Variants in ASTN1 observed in about 807,000 individuals in gnomAD.
ASTN1 encodes astrotactin 1, also known as astrotactin-1.
Under a neutral mutation model 140.7 loss-of-function variants are expected in ASTN1, and 41 were observed. That is an observed-to-expected ratio of 0.29 (90% CI 0.23 to 0.38). ASTN1 has a LOEUF of 0.38. ASTN1 is among the 10% of genes least tolerant of loss of function. The pLI, the probability that ASTN1 is intolerant of heterozygous loss-of-function variation, is 1.00. For synonymous variants in ASTN1, 640 were observed against 652.2 expected, an observed-to-expected ratio of 0.98 and a Z score of 0.29; for missense variants, 1,479 against 1,678.8, an observed-to-expected ratio of 0.88 and a Z score of 2.08.
At chr1:177,001,190 C>T (rs1352017107) in intron 8 of ASTN1, among the ~76,000 whole-genome samples, 1 of 152,182 alleles carries the variant, frequency 6.6e-6, no homozygotes, top group Non-Finnish European at 1.5e-5. Flanking sequence ...GGAACATCCA[C>T]TATGTTCCAG....
At chr1:176,882,820 T>A (rs1296092966) in intron 20 of ASTN1, 39 bp downstream of exon 20, 3 of 1,612,120 alleles carry the variant, frequency 1.9e-6, no homozygotes, top group African/African-American at 2.7e-5. Flanking sequence ...CTTGGGACTG[T>A]CAGGGTAAGA....
intron 1 of ASTN1, among the ~76,000 whole-genome samples, chr1:177,067,232 C>G (rs1251642148): frequency 6.6e-6 from 1 of 151,964 alleles, no homozygotes; most frequent in East Asian, 1.9e-4. Flanking sequence ...AGCCTTATAA[C>G]CTCTATGAAA....
chr1:177,019,577 T>C (rs1288483117), intron 7 of ASTN1, among the ~76,000 whole-genome samples: 1 of 152,232 alleles, frequency 6.6e-6, no homozygotes, highest in African/African-American at 2.4e-5. Context: ...ATTTCTCAAG[T>C]GCATCCAAGT....
intron 1 of ASTN1, among the ~76,000 whole-genome samples, chr1:177,145,628 G>C (rs1411486729): frequency 6.6e-6 from 1 of 152,160 alleles, no homozygotes; most frequent in Non-Finnish European, 1.5e-5. Context: ...AACAGACCTG[G>C]GGGCAGAAAG....
chr1:176,924,862 G>C (rs902295940), intron 16 of ASTN1, among the ~76,000 whole-genome samples: 1 of 152,144 alleles, frequency 6.6e-6, no homozygotes, highest in Non-Finnish European at 1.5e-5. Flanking sequence ...ATCCAGGTTA[G>C]GATGCAAAAC....
At chr1:176,859,243 T>A (rs1462329400), downstream of ASTN1, among the ~76,000 whole-genome samples, 1 of 152,142 alleles carries the variant, frequency 6.6e-6, no homozygotes, top group Non-Finnish European at 1.5e-5. Context: ...CTGGAATTCC[T>A]ATCTGGGCTC....
At chr1:177,126,690 C>T (rs1681667552) in intron 1 of ASTN1, among the ~76,000 whole-genome samples, 1 of 152,194 alleles carries the variant, frequency 6.6e-6, no homozygotes, top group Admixed American at 6.5e-5. Flanking sequence ...TTGCTGCCAT[C>T]CTGAAGCAAA....
intron 1 of ASTN1, among the ~76,000 whole-genome samples, chr1:177,106,476 G>A (rs1680549470): frequency 6.6e-6 from 1 of 152,140 alleles, no homozygotes; most frequent in Non-Finnish European, 1.5e-5. Context: ...ATAAAGTTCA[G>A]GAATAAGTCA....
chr1:176,897,538 T>C (rs1471495492), intron 16 of ASTN1, among the ~76,000 whole-genome samples: 1 of 151,906 alleles, frequency 6.6e-6, no homozygotes, highest in Non-Finnish European at 1.5e-5. Flanking sequence ...TAGATGGTGA[T>C]ATAAGTCTAA....
At chr1:176,973,902 G>A (rs1673249230) in intron 8 of ASTN1, among the ~76,000 whole-genome samples, 1 of 152,160 alleles carries the variant, frequency 6.6e-6, no homozygotes, top group Non-Finnish European at 1.5e-5. Context: ...AGTTACCAGT[G>A]CAAACTCCCC....
At position 177,042,888 on chromosome 1, in the gene ASTN1, A is replaced by G. The variant is rs1024700350; in HGVS notation, c.472-10039T>C. ...TCCTTGCTTCTACAACTAACTCTCA[A>G]GGTTATGCAAGTGAGGATCCCTAAA... On this transcript the variant is annotated intron_variant, in intron 2 of 22. Coordinates refer to ENST00000361833, the MANE Select transcript of ASTN1 (RefSeq NM_004319.3). Among the ~76,000 whole-genome samples, 11 of 152,202 alleles carry G rather than the reference A, an allele frequency of 7.2e-5. 1 individual carries two copies. The highest frequency in any genetic ancestry group is 7.2e-4 in the Admixed American group (11 of 15,282).
chr1:176,918,445 A>C (rs964409870), intron 16 of ASTN1, among the ~76,000 whole-genome samples: 2 of 152,090 alleles, frequency 1.3e-5, no homozygotes, highest in Admixed American at 6.6e-5. Context: ...GAAGCTCTTT[A>C]CTGCTCACCC....
chr1:177,014,731 A>C, intron 8 of ASTN1, 60 bp downstream of exon 8: 1 of 1,473,728 alleles, frequency 6.8e-7, no homozygotes, highest in Non-Finnish European at 9.5e-7. Context: ...GCTCCACGTC[A>C]TGTCTGTGTA....
chr1:176,898,213 G>A (rs1265116433), intron 16 of ASTN1, among the ~76,000 whole-genome samples: 2 of 152,212 alleles, frequency 1.3e-5, no homozygotes, highest in Non-Finnish European at 2.9e-5. Context: ...AATCCGTGGA[G>A]GGAACCCACC....
At chr1:177,114,404 T>G (rs1052651320) in intron 1 of ASTN1, among the ~76,000 whole-genome samples, 4 of 151,902 alleles carry the variant, frequency 2.6e-5, no homozygotes, top group African/African-American at 4.8e-5. Context: ...GGATTTCACA[T>G]GACATGAATG....
chr1:177,034,312 G>T (rs1334277700), intron 2 of ASTN1, among the ~76,000 whole-genome samples: 2 of 151,236 alleles, frequency 1.3e-5, no homozygotes, highest in African/African-American at 4.9e-5. Flanking sequence ...CAGCACAGAG[G>T]AGCAGAGACA....
intron 16 of ASTN1, among the ~76,000 whole-genome samples, chr1:176,900,521 C>T (rs1344117888): frequency 1.3e-5 from 2 of 152,190 alleles, no homozygotes; most frequent in Non-Finnish European, 2.9e-5. Context: ...ATTTTAGCCC[C>T]ACACCATCCA....
chr1:176,937,950 T>C (rs1333115510), intron 14 of ASTN1, among the ~76,000 whole-genome samples: 4 of 152,158 alleles, frequency 2.6e-5, no homozygotes, highest in African/African-American at 4.8e-5. Context: ...AGGTGAGTAA[T>C]TGCCAAATTT....
rs747846402 is a variant in ASTN1, at chr1:176,864,439, G to T, written c.3730C>A (p.Arg1244=). 1.2e-6 allele frequency: 2 copies of T among 1,614,016 alleles called. No individual in the cohort carries two copies. Among genetic ancestry groups the T allele is most frequent in the East Asian group, 2.2e-5 (1 of 44,880 alleles). The change falls in exon 23 of 23, where the codon CGG becomes AGG. Residue 1244 remains arginine, a synonymous_variant. Coordinates refer to ENST00000361833, the MANE Select transcript of ASTN1 (RefSeq NM_004319.3). ...GLLQEPKISL[R]RSSLKYLGCR... is the part of the protein sequence containing the mutation. ...CCCAGGTACTTGAGTGAGCTGCGCCGCAAGCTTATCTTGGGTTCCTGAAGG... is the reference window on the plus strand; with the variant it reads ...CCCAGGTACTTGAGTGAGCTGCGCCTCAAGCTTATCTTGGGTTCCTGAAGG...
Sources: allele counts gnomAD v4.1 joint callset (sites outside exome capture counted in the v4.1 genomes callset), GRCh38; gene constraint gnomAD v4.1.1; transcripts MANE v1.5; gene names NCBI Gene and HGNC (gene_info 2026-07-23, HGNC 2026-07-21).